Variants in SHISAL2A observed in about 807,000 individuals in gnomAD.
The protein encoded by SHISAL2A is shisa like 2A.
In SHISAL2A, 18 loss-of-function variants were observed where a neutral mutation model predicts 11.5. The ratio of observed to expected loss-of-function variants is 1.57; its 90% confidence interval spans 1.08 to 2.33. The LOEUF (loss-of-function observed/expected upper bound fraction) is 2.33, where lower values mean the gene tolerates loss of function less well. SHISAL2A is among the 30% of genes most tolerant of loss of function. The pLI is 0.00. For synonymous variants in SHISAL2A, 94 were observed against 99.6 expected (o/e 0.94, Z 0.34); for missense variants, 261 against 250.9 (o/e 1.04, Z -0.27).
At chr1:52,644,356 C>T (rs1176666801) in intron 2 of SHISAL2A, among the ~76,000 whole-genome samples, 1 of 152,208 alleles carries the variant, frequency 6.6e-6, no homozygotes, top group Non-Finnish European at 1.5e-5. Context: ...TCTGCAGTGA[C>T]AGGGTCATTC....
At chr1:52,639,088 A>G (rs572078022) in intron 1 of SHISAL2A, among the ~76,000 whole-genome samples, 2 of 152,048 alleles carry the variant, frequency 1.3e-5, no homozygotes, top group East Asian at 1.9e-4. Context: ...CAGGAGGATC[A>G]CTTGAGCCCG....
At position 52,633,314 on chromosome 1, in the gene SHISAL2A, G is replaced by A; in HGVS notation, c.-180G>A. The A allele has an allele frequency of 9.3e-6, 5 of 539,612 alleles. No individual in the cohort carries two copies. Among genetic ancestry groups the A allele is most frequent in the Non-Finnish European group, 1.5e-5 (5 of 336,278 alleles). 33.4% of individuals were successfully genotyped at this position (539,612 alleles called of 1,614,324 possible). On this transcript the variant is annotated 5_prime_UTR_variant, in exon 1 of 3. Transcript: ENST00000517870. This position sits in a 1 kb window ranked among gnomAD's most constrained non-coding sequence, Gnocchi z 6.4. ...CTCCGCGCGGGCCGGGCACCTGGCC[G>A]CCGCTCGGTCCTCGGGGCCCCGCGC... is the stretch of plus-strand genomic sequence containing the variant.
At chr1:52,655,299 T>C (rs1691765618) in intron 2 of SHISAL2A, among the ~76,000 whole-genome samples, 1 of 151,698 alleles carries the variant, frequency 6.6e-6, no homozygotes, top group African/African-American at 2.4e-5. Context: ...AGACACTTCA[T>C]TAAAGACAAA....
intron 2 of SHISAL2A, among the ~76,000 whole-genome samples, chr1:52,647,131 G>T (rs1691519159): frequency 6.6e-6 from 1 of 152,148 alleles, no homozygotes. Flanking sequence ...ACTGTACCTG[G>T]CCTGTTTTTG....
chr1:52,650,805 C>A (rs375176812), intron 2 of SHISAL2A, among the ~76,000 whole-genome samples: 2 of 151,542 alleles, frequency 1.3e-5, no homozygotes, highest in Non-Finnish European at 2.9e-5. Flanking sequence ...CCACCACACC[C>A]GGCTAATTTT....
chr1:52,637,987 T>C (rs941652815), intron 1 of SHISAL2A, among the ~76,000 whole-genome samples: 2 of 152,166 alleles, frequency 1.3e-5, no homozygotes, highest in Non-Finnish European at 2.9e-5. Context: ...GCTTCTCCCA[T>C]GACAGGGACT....
chr1:52,647,441 T>G (rs1691525030), intron 2 of SHISAL2A, among the ~76,000 whole-genome samples: 1 of 152,146 alleles, frequency 6.6e-6, no homozygotes, highest in Non-Finnish European at 1.5e-5. Flanking sequence ...TTGATATAAG[T>G]ACACCTTAAA....
rs1691168937 is a variant in SHISAL2A at position 52,633,386 on chromosome 1, C to A, written c.-108C>A. 9.7e-7 allele frequency: 1 copy of A among 1,029,084 alleles called. No individual in the cohort carries two copies. The highest frequency in any genetic ancestry group is 1.7e-5 in the African/African-American group (1 of 58,304). The allele number at this position is 1,029,084 out of a possible 1,614,324, so 63.7% of individuals were successfully genotyped here. ...TCTCGGCCCCTGGGTCTCTTCGTCT[C>A]TGCCGTTCTCAGGCTCAGCTCCGTC... On this transcript the variant is annotated 5_prime_UTR_variant, in exon 1 of 3. The change creates a new upstream start codon in the 5' untranslated region. Transcript: ENST00000517870. This position sits in a 1 kb window ranked among gnomAD's most constrained non-coding sequence, Gnocchi z 6.4.
At position 52,633,731 on chromosome 1, in the gene SHISAL2A, A is replaced by AC. The variant is rs1264747812; in HGVS notation, c.182+60dup. ...ACCCCACTCCAGTCTCAGCGCCTTC[A>AC]CCCCAGCCTCAGCCCCCACCCGAGT... On this transcript the variant is annotated intron_variant, in intron 1 of 2. Coordinates refer to ENST00000517870, the MANE Select transcript of SHISAL2A (RefSeq NM_001042693.3). This position sits in a 1 kb window ranked among gnomAD's most constrained non-coding sequence, Gnocchi z 6.4. 1 of 1,467,398 alleles carries AC rather than the reference A, an allele frequency of 6.8e-7. No individual in the cohort carries two copies. The highest frequency in any genetic ancestry group is 9.4e-7 in the Non-Finnish European group (1 of 1,064,970). The allele number at this position is 1,467,398 out of a possible 1,614,324, so 90.9% of individuals were successfully genotyped here.
chr1:52,652,606 T>C (rs1424718175), intron 2 of SHISAL2A, among the ~76,000 whole-genome samples: 2 of 152,012 alleles, frequency 1.3e-5, no homozygotes, highest in African/African-American at 4.8e-5. Context: ...TGCCTTAAAA[T>C]GAAAGCTTAA....
intron 4 of SHISAL2A, among the ~76,000 whole-genome samples, chr1:52,662,648 C>A (rs367559274): frequency 1.3e-4 from 19 of 151,892 alleles, no homozygotes; most frequent in Admixed American, 3.9e-4. Context: ...ACCGCCCCCC[C>A]ACCCTTTCTG....
intron 2 of SHISAL2A, 133 bp from the exon 3 acceptor site, chr1:52,656,657 T>G: frequency 2.1e-6 from 2 of 939,792 alleles, no homozygotes; most frequent in South Asian, 3.3e-5. Context: ...AATAAATACA[T>G]GTTAAACAAA....
intron 1 of SHISAL2A, among the ~76,000 whole-genome samples, chr1:52,639,754 A>AAAAAC (rs1293220843): frequency 6.6e-6 from 1 of 152,132 alleles, no homozygotes; most frequent in Non-Finnish European, 1.5e-5. Flanking sequence ...CTCCATCTCA[A>AAAAAC]AAAACAAAAC....
At chr1:52,646,492 TACACACACACACAC>T (rs35929137) in intron 2 of SHISAL2A, among the ~76,000 whole-genome samples, 5 of 145,254 alleles carry the variant, frequency 3.4e-5, no homozygotes, top group African/African-American at 1.0e-4. Context: ...TAAATATCTA[TACACACACACACAC>T]ACACACACAC....
chr1:52,658,259 T>G (rs1399604652), downstream of SHISAL2A, among the ~76,000 whole-genome samples: 12 of 152,104 alleles, frequency 7.9e-5, no homozygotes, highest in Non-Finnish European at 1.2e-4. Flanking sequence ...AGGCTGGTCT[T>G]GAACTCCTGA....
downstream of SHISAL2A, among the ~76,000 whole-genome samples, chr1:52,658,276 G>A (rs1691838809): frequency 6.6e-6 from 1 of 152,148 alleles, no homozygotes; most frequent in Admixed American, 6.6e-5. Flanking sequence ...CTGACCTCAA[G>A]TGATCCGCCT....
exon 5 of SHISAL2A, chr1:52,667,503 C>T (rs111649907): frequency 1.0e-4 from 42 of 412,094 alleles, no homozygotes; most frequent in African/African-American, 6.6e-4. Flanking sequence ...ACCATCACCA[C>T]CACCACCATC....
intron 2 of SHISAL2A, among the ~76,000 whole-genome samples, chr1:52,651,204 A>T (rs1376508169): frequency 6.6e-6 from 1 of 151,434 alleles, no homozygotes. Flanking sequence ...AGCAGTGGGG[A>T]TTCTTGAGCA....
At chr1:52,642,591 T>G (rs1344231222) in intron 1 of SHISAL2A, among the ~76,000 whole-genome samples, 6 of 151,904 alleles carry the variant, frequency 3.9e-5, no homozygotes, top group Admixed American at 2.6e-4. Flanking sequence ...CACTACCACA[T>G]CCAGCTAAGT....
Sources: allele counts gnomAD v4.1 joint callset (sites outside exome capture counted in the v4.1 genomes callset), GRCh38; gene constraint gnomAD v4.1.1; non-coding constraint Gnocchi (gnomAD v3.1); transcripts MANE v1.5; gene names NCBI Gene and HGNC (gene_info 2026-07-23, HGNC 2026-07-21).